The following PRTG variants were observed in gnomAD, a reference collection of about 807,000 sequenced individuals.
PRTG encodes the protein protogenin, also known as immunoglobulin superfamily, DCC subclass, member 5.
PRTG carries 67 observed loss-of-function variants against 122.5 expected under a neutral mutation model. That is an observed-to-expected ratio of 0.55 (90% CI 0.45 to 0.67). PRTG has a LOEUF of 0.67. Ranked by LOEUF, PRTG falls within the 30% of genes least tolerant of loss-of-function variation. The pLI is 0.00. For synonymous variants in PRTG, 554 were observed against 501.1 expected (o/e 1.11, Z -1.41); for missense variants, 1,435 against 1,415.4 (o/e 1.01, Z -0.22).
intron 18 of PRTG, among the ~76,000 whole-genome samples, chr15:55,623,263 C>T (rs1275866478): frequency 6.6e-6 from 1 of 151,826 alleles, no homozygotes; most frequent in African/African-American, 2.4e-5. Flanking sequence ...TTTTTGTAAA[C>T]AACCTTTAAA....
chr15:55,677,425 G>C (rs1421847759), intron 8 of PRTG, among the ~76,000 whole-genome samples: 1 of 152,032 alleles, frequency 6.6e-6, no homozygotes, highest in African/African-American at 2.4e-5. Context: ...TTACTAAACA[G>C]TCAAACCACT....
chr15:55,640,224 T>G (rs557067203), intron 12 of PRTG, among the ~76,000 whole-genome samples: 36 of 152,204 alleles, frequency 2.4e-4, no homozygotes, highest in Non-Finnish European at 4.4e-4. Context: ...CTAAATACTG[T>G]GGGCAACTGT....
chr15:55,651,304 T>C (rs966584090), intron 11 of PRTG, among the ~76,000 whole-genome samples: 3 of 151,580 alleles, frequency 2.0e-5, no homozygotes, highest in African/African-American at 7.3e-5. Context: ...CCTACGCAAA[T>C]GTCCAGTAGA....
At chr15:55,685,655 T>C (rs892449230) in intron 2 of PRTG, among the ~76,000 whole-genome samples, 12 of 152,122 alleles carry the variant, frequency 7.9e-5, no homozygotes, top group Admixed American at 5.9e-4. Flanking sequence ...CTCTGGAAAA[T>C]AGTTATATTA....
chr15:55,707,052 T>C (rs750396491), intron 2 of PRTG, among the ~76,000 whole-genome samples: 2 of 152,242 alleles, frequency 1.3e-5, no homozygotes, highest in African/African-American at 2.4e-5. Flanking sequence ...CTACTCTAAG[T>C]ATTTGGGTAG....
At chr15:55,739,310 G>A (rs1374843538) in intron 2 of PRTG, among the ~76,000 whole-genome samples, 3 of 149,952 alleles carry the variant, frequency 2.0e-5, no homozygotes, top group Non-Finnish European at 3.0e-5. Context: ...CTATTTCCCA[G>A]GCTGGACTCA....
intron 2 of PRTG, among the ~76,000 whole-genome samples, chr15:55,687,522 G>T (rs2059577014): frequency 6.6e-6 from 1 of 152,132 alleles, no homozygotes; most frequent in Non-Finnish European, 1.5e-5. Flanking sequence ...TCTTTGAGCA[G>T]TTCCCCTTTT....
At chr15:55,711,081 ATTT>A (rs1168529643) in intron 2 of PRTG, among the ~76,000 whole-genome samples, 12 of 115,442 alleles carry the variant, frequency 1.0e-4, no homozygotes, top group Admixed American at 9.0e-5. Flanking sequence ...TAATTTTTGT[ATTT>A]TTTTTTTTTT....
chr15:55,640,693 A>G (rs1462587402), intron 12 of PRTG, among the ~76,000 whole-genome samples: 1 of 151,948 alleles, frequency 6.6e-6, no homozygotes, highest in Non-Finnish European at 1.5e-5. Context: ...TCTTACTTAA[A>G]TATTTACTGA....
At chr15:55,741,796 A>G (rs913266300) in intron 1 of PRTG, among the ~76,000 whole-genome samples, 1 of 152,190 alleles carries the variant, frequency 6.6e-6, no homozygotes, top group African/African-American at 2.4e-5. Context: ...GGGCGACGCG[A>G]GCCACCCTAA....
chr15:55,675,953 A>G (rs2059500263), intron 8 of PRTG, among the ~76,000 whole-genome samples: 1 of 152,208 alleles, frequency 6.6e-6, no homozygotes, highest in Admixed American at 6.5e-5. Flanking sequence ...CAAAACCCAC[A>G]GCAGAGACAA....
At chr15:55,705,687 C>T (rs193094027) in intron 2 of PRTG, among the ~76,000 whole-genome samples, 5 of 152,114 alleles carry the variant, frequency 3.3e-5, no homozygotes, top group African/African-American at 9.6e-5. Context: ...GTGATCCTCC[C>T]GCTTCAGCCT....
chr15:55,667,629 G>C (rs2059446259), intron 11 of PRTG, among the ~76,000 whole-genome samples: 1 of 152,132 alleles, frequency 6.6e-6, no homozygotes, highest in African/African-American at 2.4e-5. Context: ...TAATAGTGAA[G>C]AAAGTGAAAT....
Position 55,683,889 on chromosome 15 carries a change from T to A in PRTG, c.440A>T (p.His147Leu). The A allele has an allele frequency of 6.2e-7, 1 of 1,613,932 alleles. No homozygotes were observed. The highest frequency in any genetic ancestry group is 8.5e-7 in the Non-Finnish European group (1 of 1,179,856). The part of the protein sequence containing the change: ...FEVQPISTEV[H>L]EGGVARFACK... ...TGCAAATCGAGCAACTCCACCTTCG[T>A]GGACCTCAGTGGAAATTGGCTGGAC... The change falls in exon 3 of 20, where the codon CAC becomes CTC. Residue 147 changes from histidine to leucine, a missense_variant. Coordinates refer to ENST00000389286, the MANE Select transcript of PRTG (RefSeq NM_173814.6).
Position 55,677,920 on chromosome 15 carries a change from T to A in PRTG, c.1258A>T (p.Ser420Cys). ...LTVVMSEDRP[S>C]APYNVHAETM... ...TCAGCATGTACATTATAGGGAGCACTGGGTCTGTCTTCTGACATCACTACA... is the reference window on the plus strand; with the variant it reads ...TCAGCATGTACATTATAGGGAGCACAGGGTCTGTCTTCTGACATCACTACA... Residue 420 changes from serine (S) to cysteine (C), a missense_variant, in exon 8 of 20, where the codon AGT becomes TGT. Physicochemically the swap from Ser to Cys is moderately radical, Grantham distance 112. Coordinates refer to ENST00000389286, the MANE Select transcript of PRTG (RefSeq NM_173814.6). The A allele has an allele frequency of 6.2e-7, 1 of 1,614,012 alleles. No homozygotes were observed. The highest frequency in any genetic ancestry group is 8.5e-7 in the Non-Finnish European group (1 of 1,179,908).
At chr15:55,677,263 A>AATGTCCTG (rs1435271381) in intron 8 of PRTG, among the ~76,000 whole-genome samples, 2 of 152,230 alleles carry the variant, frequency 1.3e-5, no homozygotes, top group Non-Finnish European at 2.9e-5. Flanking sequence ...AGCAGTAAAG[A>AATGTCCTG]ATGTCCTGTT....
chr15:55,713,576 T>C (rs1247514823), intron 2 of PRTG, among the ~76,000 whole-genome samples: 1 of 152,244 alleles, frequency 6.6e-6, no homozygotes, highest in Non-Finnish European at 1.5e-5. Flanking sequence ...TCAGCTTTCT[T>C]TGCCATCATT....
At chr15:55,661,308 G>A (rs940299814) in intron 11 of PRTG, among the ~76,000 whole-genome samples, 1 of 152,058 alleles carries the variant, frequency 6.6e-6, no homozygotes, top group African/African-American at 2.4e-5. Flanking sequence ...ACTGACATCG[G>A]ACCCCCTAAA....
chr15:55,705,512 G>A (rs2030067642), intron 2 of PRTG, among the ~76,000 whole-genome samples: 1 of 152,148 alleles, frequency 6.6e-6, no homozygotes, highest in Admixed American at 6.5e-5. Flanking sequence ...GGAGTGCAGT[G>A]GCGCGATCTC....
Sources: gnomAD v4.1 joint callset for allele counts (sites outside exome capture counted in the v4.1 genomes callset) on GRCh38, gnomAD v4.1.1 for gene constraint, MANE v1.5 for transcripts, NCBI Gene and HGNC (gene_info 2026-07-23, HGNC 2026-07-21) for gene names.